MAGI1: variants seen among roughly 807,000 people sequenced by gnomAD.
MAGI1 encodes membrane associated guanylate kinase, WW and PDZ domain containing 1, also known as membrane-associated guanylate kinase, WW and PDZ domain-containing protein 1.
MAGI1 carries 58 observed loss-of-function variants against 139.9 expected under a neutral mutation model. The ratio of observed to expected loss-of-function variants is 0.41; its 90% CI spans 0.34 to 0.52. MAGI1 has a LOEUF of 0.52. Ranked by LOEUF, MAGI1 falls within the 20% of genes least tolerant of loss-of-function variation. The pLI, the probability that MAGI1 is intolerant of heterozygous loss-of-function variation, is 0.12. For missense variants in MAGI1, 1,874 were observed against 1,901.6 expected (o/e 0.99, Z 0.27); for synonymous variants, 812 against 737.9 (o/e 1.10, Z -1.63).
intron 1 of MAGI1, among the ~76,000 whole-genome samples, chr3:65,929,213 T>G (rs929258668): frequency 6.6e-6 from 1 of 152,142 alleles, no homozygotes; most frequent in African/African-American, 2.4e-5. Flanking sequence ...AGCACCCCTG[T>G]TTGGGACAAC....
chr3:65,919,408 T>G (rs1395301108), intron 1 of MAGI1, among the ~76,000 whole-genome samples: 2 of 151,336 alleles, frequency 1.3e-5, no homozygotes, highest in African/African-American at 4.9e-5. Flanking sequence ...ACAAAAAAAT[T>G]TTTAAATTGG....
intron 1 of MAGI1, among the ~76,000 whole-genome samples, chr3:65,710,089 T>C (rs974403826): frequency 6.6e-5 from 10 of 152,102 alleles, no homozygotes; most frequent in African/African-American, 2.4e-4. Flanking sequence ...AGAGAAAGTA[T>C]GTTAAGAGGT....
intron 1 of MAGI1, among the ~76,000 whole-genome samples, chr3:65,998,131 G>A (rs1198769187): frequency 6.6e-6 from 1 of 151,102 alleles, no homozygotes; most frequent in Non-Finnish European, 1.5e-5. Flanking sequence ...ACAAACAGTA[G>A]TTGTGGTGGA....
intron 1 of MAGI1, among the ~76,000 whole-genome samples, chr3:65,677,601 T>C (rs530887642): frequency 4.6e-5 from 7 of 152,334 alleles, no homozygotes; most frequent in African/African-American, 1.7e-4. Context: ...CCCAGACTTA[T>C]GATTTAAGAG....
chr3:65,497,035 A>G (rs1952507252), intron 2 of MAGI1, among the ~76,000 whole-genome samples: 1 of 152,116 alleles, frequency 6.6e-6, no homozygotes, highest in Non-Finnish European at 1.5e-5. Context: ...GAAAATCAAA[A>G]GTTCACTTTT....
chr3:65,401,450 T>C lies in MAGI1; in HGVS notation c.2188A>G (p.Ser730Gly), dbSNP rs772391343. The C allele has an allele frequency of 1.7e-5, 25 of 1,486,346 alleles. No homozygotes were observed. The allele number at this position is 1,486,346 out of a possible 1,614,324, so 92.1% of individuals were successfully genotyped here. The stretch of plus-strand genomic sequence containing the variant: ...TGACAAGTCCTTACCGACTTTGGGC[T>C]CTTCTTGGGAACTGGCAGCCCTGGA... ...QRGGLPVPKKSPKSQPLERKD... is the reference protein window; with the variant it reads ...QRGGLPVPKKGPKSQPLERKD... Residue 730 changes from serine to glycine, a missense_variant, in exon 13 of 23, where the codon AGC (serine) becomes GGC (glycine). Ser to Gly is a moderately conservative substitution (Grantham distance 56). Around this residue, in one of 5 missense-constraint regions of MAGI1, gnomAD observed 482 missense variants for 509.6 expected, o/e 0.95. Coordinates refer to ENST00000402939, the MANE Select transcript of MAGI1 (RefSeq NM_001033057.2).
At chr3:65,843,810 G>C (rs1236646941) in intron 1 of MAGI1, 1 of 182,388 alleles carries the variant, frequency 5.5e-6, no homozygotes, top group Non-Finnish European at 1.1e-5. Context: ...TTCAACTCCA[G>C]TCTCAGCAAA....
At chr3:65,751,200 T>A (rs2036120308) in intron 1 of MAGI1, among the ~76,000 whole-genome samples, 2 of 152,172 alleles carry the variant, frequency 1.3e-5, no homozygotes, top group Admixed American at 1.3e-4. Context: ...AAGGTATCGA[T>A]CCCATTTCTG....
intron 1 of MAGI1, among the ~76,000 whole-genome samples, chr3:66,035,162 C>T (rs1395647384): frequency 1.3e-5 from 2 of 152,236 alleles, no homozygotes; most frequent in African/African-American, 2.4e-5. Context: ...GGACTGTCTT[C>T]TCCATTTAAA....
At chr3:65,492,986 G>A (rs1576003708) in intron 3 of MAGI1, among the ~76,000 whole-genome samples, 1 of 150,544 alleles carries the variant, frequency 6.6e-6, no homozygotes, top group African/African-American at 2.4e-5. Context: ...GCTGACGCAG[G>A]AGAATGGCAT....
intron 1 of MAGI1, among the ~76,000 whole-genome samples, chr3:65,929,337 T>G (rs530686558): frequency 6.7e-6 from 1 of 148,738 alleles, no homozygotes; most frequent in East Asian, 2.0e-4. Context: ...CATGCAGATA[T>G]CAAGGATGAT....
chr3:65,615,328 T>G (rs567264201), intron 2 of MAGI1, among the ~76,000 whole-genome samples: 1 of 152,182 alleles, frequency 6.6e-6, no homozygotes, highest in South Asian at 2.1e-4. Context: ...CACCCAAAGA[T>G]TTCCAGCAGG....
At chr3:65,623,952 A>C (rs1488549930) in intron 1 of MAGI1, among the ~76,000 whole-genome samples, 4 of 152,142 alleles carry the variant, frequency 2.6e-5, no homozygotes, top group African/African-American at 9.7e-5. Context: ...GCCACCCCCC[A>C]AAAAAATCAG....
intron 1 of MAGI1, among the ~76,000 whole-genome samples, chr3:65,805,380 A>G (rs967942754): frequency 3.3e-5 from 5 of 152,240 alleles, no homozygotes; most frequent in Non-Finnish European, 7.3e-5. Flanking sequence ...AATCAAAACC[A>G]CAATGAAATA....
intron 12 of MAGI1, among the ~76,000 whole-genome samples, chr3:65,425,973 T>G (rs966551881): frequency 7.9e-5 from 12 of 152,200 alleles, no homozygotes; most frequent in Non-Finnish European, 4.4e-5. Flanking sequence ...TGCACACTGA[T>G]GTCAGGTGAC....
At chr3:65,862,337 C>A (rs79015156) in intron 1 of MAGI1, among the ~76,000 whole-genome samples, 4,841 of 152,228 alleles carry the variant, frequency 0.032, 116 homozygotes, top group South Asian at 0.076. Flanking sequence ...ACAGCACCTG[C>A]CACAGAGTTC....
chr3:65,358,917 T>C (rs1367618557), intron 22 of MAGI1: 6 of 745,974 alleles, frequency 8.0e-6, no homozygotes, highest in Non-Finnish European at 2.3e-6. Flanking sequence ...AAGGCAACAC[T>C]TCAACAGGGT....
chr3:65,923,626 G>C (rs1416414524), intron 1 of MAGI1, among the ~76,000 whole-genome samples: 1 of 152,106 alleles, frequency 6.6e-6, no homozygotes, highest in Non-Finnish European at 1.5e-5. Flanking sequence ...CATATCTGAG[G>C]GAGTCTACCC....
In MAGI1 at chr3:66,037,844, A is replaced by G. The variant is rs918451049; in HGVS notation, c.313+152T>C. The G allele has an allele frequency of 3.6e-6, 5 of 1,371,010 alleles. No homozygotes were observed. The African/African-American group carries it at 4.4e-5, about 12-fold the overall frequency. 84.9% of individuals were successfully genotyped at this position (1,371,010 alleles called of 1,614,324 possible). A position where few individuals can be genotyped will look rare whatever the true frequency, so the allele number is the denominator to read the frequency against. ...GCAAACAACCCTCAACCTCGCAACAACTTTGTGTATTTCACCGCCACCACA... is the reference window on the plus strand; with the variant it reads ...GCAAACAACCCTCAACCTCGCAACAGCTTTGTGTATTTCACCGCCACCACA... On this transcript the variant is annotated intron_variant, in intron 1 of 22. Transcript: ENST00000402939.
Sources: gnomAD v4.1 joint callset for allele counts (sites outside exome capture counted in the v4.1 genomes callset) on GRCh38, gnomAD v4.1.1 for gene constraint, gnomAD v4.1.1 regional missense constraint, MANE v1.5 for transcripts, NCBI Gene and HGNC (gene_info 2026-07-23, HGNC 2026-07-21) for gene names.